TPO: variants seen among roughly 807,000 people sequenced by gnomAD.
The protein encoded by TPO is thyroid peroxidase, also known as thyroid microsomal antigen.
In TPO, 78 loss-of-function variants were observed where a neutral mutation model predicts 96.9. The observed-to-expected ratio is 0.81, with a 90% CI of 0.67 to 0.97. The LOEUF is 0.97. Among genes scored for constraint, TPO ranks in the 50% least tolerant of loss-of-function variants. The probability of loss-of-function intolerance (pLI) is 0.00; values close to 1 mark genes in which losing one functional copy is unlikely to be tolerated. For missense variants in TPO, 1,252 were observed against 1,274.8 expected, an observed-to-expected ratio of 0.98 and a Z score of 0.27; for synonymous variants, 547 against 538.0, an observed-to-expected ratio of 1.02 and a Z score of -0.23.
upstream of TPO, among the ~76,000 whole-genome samples, chr2:1,411,306 G>A (rs1360764914): frequency 1.6e-4 from 24 of 152,096 alleles, 1 homozygote; most frequent in Non-Finnish European, 7.3e-5. Context: ...GGGGTCAAAT[G>A]GTAACAGCAA....
chr2:1,426,053 A>C (rs907263565), intron 3 of TPO, among the ~76,000 whole-genome samples: 1 of 138,586 alleles, frequency 7.2e-6, no homozygotes, highest in Non-Finnish European at 1.5e-5. Flanking sequence ...TGCTCCTTCC[A>C]TAAAGTCATT....
At position 1,516,468 on chromosome 2, in the gene TPO, G is replaced by A. The variant is rs139894557; in HGVS notation, c.2519-415G>A. On this transcript the variant is annotated intron_variant, in intron 14 of 16. Coordinates refer to ENST00000329066, the MANE Select transcript of TPO (RefSeq NM_001206744.2). ...GCAAAACCTCACAGCGTTATACCGC[G>A]TCCCTTACAGCCCACCTTGCGAACC... Among the ~76,000 whole-genome samples the A allele has an allele frequency of 9.1e-3, 1,389 of 152,282 alleles. 12 individuals are homozygous for A. Among genetic ancestry groups the A allele is most frequent in the Middle Eastern group, 0.027 (8 of 294 alleles).
At chr2:1,430,729 T>C (rs1664896085) in intron 3 of TPO, among the ~76,000 whole-genome samples, 1 of 152,182 alleles carries the variant, frequency 6.6e-6, no homozygotes, top group Non-Finnish European at 1.5e-5. Flanking sequence ...GGACACGGAG[T>C]CAAAGGAGAT....
intron 1 of TPO, among the ~76,000 whole-genome samples, chr2:1,393,951 G>A (rs747898972): frequency 1.1e-4 from 17 of 152,172 alleles, no homozygotes; most frequent in South Asian, 4.1e-4. Flanking sequence ...AAAACAGACC[G>A]TGAAGTAATT....
chr2:1,492,368 TG>T (rs1310786809), intron 10 of TPO, among the ~76,000 whole-genome samples: 2 of 152,198 alleles, frequency 1.3e-5, no homozygotes, highest in Non-Finnish European at 2.9e-5. Context: ...TTGGCCAGGC[TG>T]GTCTTAAACT....
chr2:1,522,954 T>C (rs1414134362), intron 15 of TPO, among the ~76,000 whole-genome samples: 9 of 119,464 alleles, frequency 7.5e-5, no homozygotes, highest in African/African-American at 3.3e-5. Flanking sequence ...CCTCCCCAAA[T>C]TCCCCCCACT....
chr2:1,446,150 AC>A (rs1666792356), intron 5 of TPO, among the ~76,000 whole-genome samples: 1 of 152,028 alleles, frequency 6.6e-6, no homozygotes, highest in South Asian at 2.1e-4. Context: ...AGAACTGTAC[AC>A]CCCAGAGGGC....
chr2:1,459,361 A>G lies in TPO; in HGVS notation c.819+3079A>G, dbSNP rs141546203. Among the ~76,000 whole-genome samples, 761 of 152,252 alleles carry G rather than the reference A, an allele frequency of 5.0e-3. 4 individuals carry two copies. The highest frequency in any genetic ancestry group is 8.6e-3 in the Admixed American group (132 of 15,296). On this transcript the variant is annotated intron_variant, in intron 7 of 16. Transcript: ENST00000329066. The stretch of plus-strand genomic sequence containing the variant: ...GAGACGGGGTGTCACCATGTTGGCC[A>G]GGCTGGTCTCGAACTCCTGACCTTG...
At chr2:1,512,159 G>A (rs1455558785) in intron 14 of TPO, among the ~76,000 whole-genome samples, 4 of 151,918 alleles carry the variant, frequency 2.6e-5, no homozygotes, top group Non-Finnish European at 4.4e-5. Flanking sequence ...TCAGCCTCCC[G>A]AGTAGCTGGG....
intron 15 of TPO, among the ~76,000 whole-genome samples, chr2:1,537,080 TCAC>T (rs1253241473): frequency 5.3e-5 from 4 of 75,506 alleles, no homozygotes; most frequent in Non-Finnish European, 8.0e-5. Context: ...GTGTGCAACC[TCAC>T]CAAATCCGTC....
rs1314874962 is a variant in TPO, at chr2:1,535,443, C to T, written c.2619-5151C>T. 7.5e-3 allele frequency among the ~76,000 whole-genome samples: 637 copies of T among 84,738 alleles called. 44 individuals carry two copies. The highest frequency in any genetic ancestry group is 0.016 in the African/African-American group (381 of 23,794). The allele number at this position is 84,738 out of a possible 152,430, so 55.6% of individuals were successfully genotyped here. On this transcript the variant is annotated intron_variant, in intron 15 of 16. Transcript: ENST00000329066. Reference sequence around the variant, plus strand: ...CTGTGTGCAACCTCCCCAAATCCCCCCCACTCTGTGCAACCTCCCCAAATC... The same window carrying T: ...CTGTGTGCAACCTCCCCAAATCCCCTCCACTCTGTGCAACCTCCCCAAATC...
At chr2:1,414,594 C>A in intron 2 of TPO, 92 bp downstream of exon 2, 1 of 1,164,050 alleles carries the variant, frequency 8.6e-7, no homozygotes, top group South Asian at 1.3e-5. Context: ...TCCTGAGAGT[C>A]ACTTTAGGCC....
intron 2 of TPO, among the ~76,000 whole-genome samples, chr2:1,415,395 G>T (rs1403578452): frequency 2.2e-5 from 3 of 138,736 alleles, no homozygotes; most frequent in Non-Finnish European, 4.6e-5. Flanking sequence ...ACACAGTCTC[G>T]GGGCCCCTGG....
chr2:1,484,923 ATATTT>A (rs1670991904), intron 9 of TPO, 69 bp downstream of exon 9: 21 of 1,589,044 alleles, frequency 1.3e-5, no homozygotes, highest in Non-Finnish European at 1.8e-5. Flanking sequence ...TTTTTAAATT[ATATTT>A]TAAGTTCTAG....
intron 15 of TPO, among the ~76,000 whole-genome samples, chr2:1,525,740 C>A (rs1481611511): frequency 8.5e-6 from 1 of 117,336 alleles, no homozygotes; most frequent in African/African-American, 3.3e-5. Context: ...TGCAAACTCC[C>A]CAAATCTCAC....
intron 5 of TPO, among the ~76,000 whole-genome samples, chr2:1,450,915 T>C (rs1667250437): frequency 6.6e-6 from 1 of 152,234 alleles, no homozygotes; most frequent in African/African-American, 2.4e-5. Context: ...GCTGACGTAT[T>C]GCAGCTGATT....
At chr2:1,452,876 G>C (rs1490508470) in intron 5 of TPO, among the ~76,000 whole-genome samples, 1 of 152,164 alleles carries the variant, frequency 6.6e-6, no homozygotes, top group Non-Finnish European at 1.5e-5. Context: ...GGGGCACCTT[G>C]CTTAACACAG....
At chr2:1,536,819 C>A (rs1444899432) in intron 15 of TPO, among the ~76,000 whole-genome samples, 3 of 131,598 alleles carry the variant, frequency 2.3e-5, no homozygotes, top group African/African-American at 8.3e-5. Flanking sequence ...CCCAAATCCC[C>A]CCCACTGTGT....
At chr2:1,533,105 G>A (rs1678705337) in intron 15 of TPO, among the ~76,000 whole-genome samples, 2 of 135,358 alleles carry the variant, frequency 1.5e-5, no homozygotes, top group Non-Finnish European at 1.5e-5. Flanking sequence ...TCTCTCCACT[G>A]TGTGCAACCT....
Sources: gnomAD v4.1 joint callset for allele counts (sites outside exome capture counted in the v4.1 genomes callset) on GRCh38, gnomAD v4.1.1 for gene constraint, MANE v1.5 for transcripts, NCBI Gene and HGNC (gene_info 2026-07-23, HGNC 2026-07-21) for gene names.